Variants in ARCN1 observed in about 807,000 individuals in gnomAD.
The protein encoded by ARCN1 is archain 1 coat protein complex I subunit delta, also known as coatomer subunit delta.
ARCN1 carries 5 observed loss-of-function variants against 60.4 expected under a neutral mutation model. The ratio of observed to expected loss-of-function variants is 0.08; its 90% CI spans 0.04 to 0.17. ARCN1 has a LOEUF of 0.17. Among genes scored for constraint, ARCN1 ranks in the 10% least tolerant of loss-of-function variants. ARCN1 has a pLI of 1.00. For missense variants in ARCN1, 464 were observed against 626.5 expected, an observed-to-expected ratio of 0.74 and a Z score of 2.77; for synonymous variants, 224 against 220.0, an observed-to-expected ratio of 1.02 and a Z score of -0.16.
At chr11:118,584,708 C>A in intron 5 of ARCN1, 64 bp downstream of exon 5, 1 of 1,367,666 alleles carries the variant, frequency 7.3e-7, no homozygotes, top group Admixed American at 2.5e-5. Flanking sequence ...TTTTAAAAAT[C>A]TTATTTCAGT....
At chr11:118,593,802 A>G (rs1938966138) in intron 8 of ARCN1, 104 bp downstream of exon 8, 1 of 627,610 alleles carries the variant, frequency 1.6e-6, no homozygotes, top group African/African-American at 1.8e-5. Flanking sequence ...ATTCAAAGAT[A>G]CTTCTTTAAA....
chr11:118,583,803 C>T lies in ARCN1; in HGVS notation c.448-6C>T. The T allele has an allele frequency of 6.2e-7, 1 of 1,610,470 alleles. No individual in the cohort carries two copies. ...AAGCTACATTAATGTATGTCTTTTT[C>T]TGTAGACTCAAGAACGTGAAGCTAA... On this transcript the variant is annotated splice_region_variant and splice_polypyrimidine_tract_variant and intron_variant, in intron 3 of 9. Coordinates refer to ENST00000264028, the MANE Select transcript of ARCN1 (RefSeq NM_001655.5).
At position 118,601,876 on chromosome 11, in the gene ARCN1, C is replaced by A; in HGVS notation, c.*1162C>A. On this transcript the variant is annotated 3_prime_UTR_variant, in exon 10 of 10. Transcript: ENST00000264028. ...CATCCACATGTAATCATGTCTGCTG[C>A]TGTTGCTACCCAAATTTTCATTTCT... is the stretch of plus-strand genomic sequence containing the variant. The A allele has an allele frequency of 1.7e-6, 1 of 597,726 alleles. No individual in the cohort carries two copies. The allele number at this position is 597,726 out of a possible 1,614,324, so 37.0% of individuals were successfully genotyped here.
chr11:118,586,557 C>T (rs546796984), intron 5 of ARCN1, among the ~76,000 whole-genome samples: 1 of 152,064 alleles, frequency 6.6e-6, no homozygotes, highest in African/African-American at 2.4e-5. Context: ...TGCAGTGGCC[C>T]ACACCTGTAA....
chr11:118,586,067 G>T (rs1439281123), intron 5 of ARCN1, among the ~76,000 whole-genome samples: 2 of 152,082 alleles, frequency 1.3e-5, no homozygotes, highest in African/African-American at 2.4e-5. Context: ...GCATAAAAGA[G>T]GAGTATTTAC....
At chr11:118,574,685 G>A (rs184932157) in intron 1 of ARCN1, among the ~76,000 whole-genome samples, 6 of 152,240 alleles carry the variant, frequency 3.9e-5, no homozygotes, top group Admixed American at 3.9e-4. Context: ...AGATAAATAA[G>A]TGAACAAATG....
At chr11:118,576,237 G>T (rs1158985134) in intron 1 of ARCN1, among the ~76,000 whole-genome samples, 1 of 151,526 alleles carries the variant, frequency 6.6e-6, no homozygotes, top group Non-Finnish European at 1.5e-5. Flanking sequence ...TCCAAAGATA[G>T]TGTACTCAAA....
In ARCN1 at chr11:118,581,357, C is replaced by G. The variant is rs781929294; in HGVS notation, c.115C>G (p.Leu39Val). The change falls in exon 2 of 10, where the codon CTC becomes GTC. Residue 39 changes from leucine (L) to valine (V), a missense_variant. Physicochemically the swap from Leu to Val is conservative, Grantham distance 32 (BLOSUM62 1). Transcript: ENST00000264028. The stretch of plus-strand genomic sequence containing the variant: ...GGGCTTATTAGCAGCTTTTCCAAAG[C>G]TCATGAACACTGGAAAACAACATAC... The part of the protein sequence containing the change: ...IEGLLAAFPK[L>V]MNTGKQHTFV... 4 of 1,614,054 alleles carry G rather than the reference C, an allele frequency of 2.5e-6. No homozygotes were observed. The East Asian group carries it at 8.9e-5, about 36-fold the overall frequency.
chr11:118,590,659 T>C (rs1035017475), intron 6 of ARCN1, among the ~76,000 whole-genome samples, 153 bp downstream of exon 6: 2 of 152,224 alleles, frequency 1.3e-5, no homozygotes, highest in Non-Finnish European at 2.9e-5. Context: ...ATATATTGCA[T>C]ACAGTAGCTA....
Position 118,593,674 on chromosome 11 carries a change from A to G in ARCN1, c.1217A>G (p.Asp406Gly). 1 of 1,612,376 alleles carries G rather than the reference A, an allele frequency of 6.2e-7. No homozygotes were observed. Among genetic ancestry groups the G allele is most frequent in the Middle Eastern group, 1.7e-4 (1 of 6,058 alleles). Residue 406 changes from aspartate to glycine, a missense_variant, in exon 8 of 10, where the codon GAT becomes GGT. Physicochemically the swap from Asp to Gly is moderately conservative, Grantham distance 94. Coordinates refer to ENST00000264028, the MANE Select transcript of ARCN1 (RefSeq NM_001655.5). ...CAAGAAGATAATTTAGAACTGAATG[A>G]TGTGGTTATCACCATCCCACTCCCG... ...ELQEDNLELN[D>G]VVITIPLPSG...
chr11:118,597,358 T>C (rs1490703362), intron 8 of ARCN1, among the ~76,000 whole-genome samples: 3 of 152,370 alleles, frequency 2.0e-5, no homozygotes, highest in South Asian at 2.1e-4. Flanking sequence ...TCCTTATTTA[T>C]AGGGCAGCAA....
At position 118,590,416 on chromosome 11, in the gene ARCN1, T is replaced by C; in HGVS notation, c.894T>C (p.His298=). The C allele has an allele frequency of 6.2e-7, 1 of 1,614,202 alleles. No individual in the cohort carries two copies. Among genetic ancestry groups the C allele is most frequent in the Non-Finnish European group, 8.5e-7 (1 of 1,179,984 alleles). Reference sequence around the variant, plus strand: ...GAGGATTACAGAATATGGAGTTGCATGGCATGATCATGCTTAGGATCTCAG... The same window carrying C: ...GAGGATTACAGAATATGGAGTTGCACGGCATGATCATGCTTAGGATCTCAG... The part of the protein sequence containing the change: ...RDGGLQNMEL[H]GMIMLRISDD... The change falls in exon 6 of 10, where the codon CAT becomes CAC. Residue 298 remains histidine (H), a synonymous_variant. Transcript: ENST00000264028.
chr11:118,591,772 T>C (rs781828281), intron 6 of ARCN1, among the ~76,000 whole-genome samples: 19 of 151,142 alleles, frequency 1.3e-4, no homozygotes, highest in Non-Finnish European at 2.4e-4. Flanking sequence ...TCTCTCTCTG[T>C]CATGCGGGCT....
chr11:118,581,467 C>G lies in ARCN1; in HGVS notation c.225C>G (p.Asn75Lys). 1 of 1,614,156 alleles carries G rather than the reference C, an allele frequency of 6.2e-7. No individual in the cohort carries two copies. The highest frequency in any genetic ancestry group is 8.5e-7 in the Non-Finnish European group (1 of 1,180,030). Residue 75 changes from asparagine (N) to lysine (K), a missense_variant, in exon 2 of 10, where the codon AAC (asparagine) becomes AAG (lysine). Physicochemically the swap from Asn to Lys is moderately conservative, Grantham distance 94 (BLOSUM62 0). This residue lies in a region of ARCN1 where 105 missense variants were observed against 186.3 expected (regional missense o/e 0.56). Coordinates refer to ENST00000264028, the MANE Select transcript of ARCN1 (RefSeq NM_001655.5). Reference sequence around the variant, plus strand: ...TACTGATCACTACCAAAAACAGCAACATTTTAGAAGATTTGGAGACCCTAA... The same window carrying G: ...TACTGATCACTACCAAAAACAGCAAGATTTTAGAAGATTTGGAGACCCTAA... ...YMVLITTKNS[N>K]ILEDLETLRL...
intron 1 of ARCN1, among the ~76,000 whole-genome samples, chr11:118,574,623 C>A (rs1418814877): frequency 6.6e-6 from 1 of 151,960 alleles, no homozygotes; most frequent in Non-Finnish European, 1.5e-5. Context: ...AATAAATTCC[C>A]TTTGGCTTTA....
rs1938701120 is a variant in ARCN1, at chr11:118,583,276, G to A, written c.365G>A (p.Arg122Gln). 2.5e-6 allele frequency: 4 copies of A among 1,614,006 alleles called. No homozygotes were observed. The highest frequency in any genetic ancestry group is 1.3e-5 in the African/African-American group (1 of 74,896). Residue 122 changes from arginine to glutamine, a missense_variant, in exon 3 of 10, where the codon CGG becomes CAG. Physicochemically the swap from Arg to Gln is conservative, Grantham distance 43. This residue lies in a region of ARCN1 where 105 missense variants were observed against 186.3 expected (regional missense o/e 0.56). Transcript: ENST00000264028. ...AFDEIVALGYRENVNLAQIRT... is the reference protein window; with the variant it reads ...AFDEIVALGYQENVNLAQIRT... ...GATGAAATTGTCGCACTGGGATACC[G>A]GGAGAATGTTAACTTGGCACAGATC... is the stretch of plus-strand genomic sequence containing the variant.
intron 1 of ARCN1, among the ~76,000 whole-genome samples, chr11:118,579,969 A>G (rs1175754311): frequency 6.6e-6 from 1 of 152,166 alleles, no homozygotes; most frequent in South Asian, 2.1e-4. Flanking sequence ...ACCCATTTAT[A>G]TAATATTAGG....
Position 118,601,534 on chromosome 11 carries a change from A to G in ARCN1, c.*820A>G, listed in dbSNP as rs1555078136. On this transcript the variant is annotated 3_prime_UTR_variant, in exon 10 of 10. Transcript: ENST00000264028. ...CTGGGATCATCTGTTTACAGGCATT[A>G]TATTTATTTGGCACTCCTGGAACAA... 9.1e-6 allele frequency: 6 copies of G among 659,770 alleles called. No individual in the cohort carries two copies. In the African/African-American group the frequency reaches 9.4e-5, roughly 10 times the overall value. The allele number at this position is 659,770 out of a possible 1,614,324, so 40.9% of individuals were successfully genotyped here.
chr11:118,596,862 A>C (rs1939036608), intron 8 of ARCN1, among the ~76,000 whole-genome samples: 1 of 152,230 alleles, frequency 6.6e-6, no homozygotes, highest in Admixed American at 6.5e-5. Flanking sequence ...TTGTAAATCA[A>C]ATAAACCCAT....
Sources: gnomAD v4.1 joint callset for allele counts (sites outside exome capture counted in the v4.1 genomes callset) on GRCh38, gnomAD v4.1.1 for gene constraint, gnomAD v4.1.1 regional missense constraint, MANE v1.5 for transcripts, NCBI Gene and HGNC (gene_info 2026-07-23, HGNC 2026-07-21) for gene names.